The following VEPH1 variants were observed in gnomAD, a reference collection of about 807,000 sequenced individuals.
The protein encoded by VEPH1 is ventricular zone-expressed PH domain-containing protein homolog 1.
Under a neutral mutation model 85.2 loss-of-function variants are expected in VEPH1, and 80 were observed. The observed-to-expected ratio is 0.94, with a 90% CI of 0.78 to 1.13. VEPH1 has a LOEUF of 1.13. Ranked by LOEUF, VEPH1 falls within the 50% of genes most tolerant of loss-of-function variation. The pLI is 0.00. For synonymous variants in VEPH1, 297 were observed against 348.0 expected (o/e 0.85, Z 1.63); for missense variants, 955 against 980.5 (o/e 0.97, Z 0.35).
chr3:157,313,672 A>C lies in VEPH1; in HGVS notation c.1959T>G (p.Gly653=). Residue 653 remains glycine, a synonymous_variant, in exon 11 of 14, where the codon GGT becomes GGG. Coordinates refer to ENST00000362010, the MANE Select transcript of VEPH1 (RefSeq NM_001167912.2). ...RALWEKTQAG[G]AHSFETAMME... is the part of the protein sequence containing the mutation. ...TCATGGCAGTTTCAAAGCTGTGAGCACCCCCTGCCTGGGTCTTCTCCCACA... is the reference window on the plus strand; with the variant it reads ...TCATGGCAGTTTCAAAGCTGTGAGCCCCCCCTGCCTGGGTCTTCTCCCACA... 1 of 1,614,082 alleles carries C rather than the reference A, an allele frequency of 6.2e-7. No individual in the cohort carries two copies. Among genetic ancestry groups the C allele is most frequent in the Non-Finnish European group, 8.5e-7 (1 of 1,180,016 alleles).
At chr3:157,338,053 AG>A (rs1425547666) in intron 9 of VEPH1, among the ~76,000 whole-genome samples, 1 of 152,044 alleles carries the variant, frequency 6.6e-6, no homozygotes, top group Non-Finnish European at 1.5e-5. Context: ...GGTGGGCTGG[AG>A]GTGGAAGCAG....
chr3:157,334,832 G>C (rs1016577708), intron 9 of VEPH1, among the ~76,000 whole-genome samples: 2 of 152,180 alleles, frequency 1.3e-5, no homozygotes, highest in African/African-American at 2.4e-5. Flanking sequence ...TTGGGTAAAG[G>C]CATGGAGGTG....
rs1726293991 is a variant in VEPH1 at position 157,363,572 on chromosome 3, T to C, written c.1527A>G (p.Ser509=). ...ERSQLGESSV[S]YPNIIHIDSE... Reference sequence around the variant, plus strand: ...AGTCTATATGTATAATATTTGGGTATGAAACTGAAGACTCCCCCAGCTGTG... The same window carrying C: ...AGTCTATATGTATAATATTTGGGTACGAAACTGAAGACTCCCCCAGCTGTG... The change falls in exon 9 of 14, where the codon TCA becomes TCG. Residue 509 remains serine (S), a synonymous_variant. Coordinates refer to ENST00000362010, the MANE Select transcript of VEPH1 (RefSeq NM_001167912.2). 1.2e-6 allele frequency: 2 copies of C among 1,614,218 alleles called. No individual in the cohort carries two copies. Among genetic ancestry groups the C allele is most frequent in the East Asian group, 4.5e-5 (2 of 44,892 alleles).
At chr3:157,344,045 T>C (rs1396285107) in intron 9 of VEPH1, among the ~76,000 whole-genome samples, 3 of 152,174 alleles carry the variant, frequency 2.0e-5, no homozygotes, top group Admixed American at 6.5e-5. Context: ...ATAAGAGCTA[T>C]TTATGACAAA....
intron 12 of VEPH1, among the ~76,000 whole-genome samples, chr3:157,284,018 T>A (rs1577235125): frequency 6.6e-6 from 1 of 152,116 alleles, no homozygotes; most frequent in Non-Finnish European, 1.5e-5. Flanking sequence ...GACAGGCAGG[T>A]AAGTGGATCA....
intron 6 of VEPH1, among the ~76,000 whole-genome samples, chr3:157,408,972 C>T (rs1005453794): frequency 6.6e-6 from 1 of 152,072 alleles, no homozygotes; most frequent in African/African-American, 2.4e-5. Context: ...CCACAGAAGA[C>T]TTTGTGTGAG....
chr3:157,406,699 T>C lies in VEPH1; in HGVS notation c.906+7182A>G, dbSNP rs545585677. ...ATTCTTCACAGATGCGGGCTATTGG[T>C]CTGTAGTGAAGGAAAAACAAGTGGC... On this transcript the variant is annotated intron_variant, in intron 6 of 13. Transcript: ENST00000362010. Among the ~76,000 whole-genome samples, 21 of 131,754 alleles carry C rather than the reference T, an allele frequency of 1.6e-4. 1 individual carries two copies. In the East Asian group the frequency reaches 4.4e-3, roughly 27 times the overall value. The allele number at this position is 131,754 out of a possible 152,430, so 86.4% of individuals were successfully genotyped here.
At chr3:157,408,692 G>C (rs2109011343) in intron 6 of VEPH1, among the ~76,000 whole-genome samples, 1 of 152,266 alleles carries the variant, frequency 6.6e-6, no homozygotes, top group South Asian at 2.1e-4. Flanking sequence ...CTTTGCCTAA[G>C]GGGACTGGGA....
At chr3:157,366,197 T>A (rs1449679535) in intron 7 of VEPH1, among the ~76,000 whole-genome samples, 5 of 152,192 alleles carry the variant, frequency 3.3e-5, no homozygotes, top group Non-Finnish European at 5.9e-5. Context: ...TTTATTACAG[T>A]ATATAATAAT....
intron 4 of VEPH1, among the ~76,000 whole-genome samples, chr3:157,459,287 G>T (rs1456102): frequency 0.38 from 57,952 of 152,084 alleles, 11,206 homozygotes; most frequent in South Asian, 0.44. Context: ...ACCATGCTAT[G>T]CCAGGAAGCA....
intron 9 of VEPH1, among the ~76,000 whole-genome samples, chr3:157,358,574 G>C (rs73873649): frequency 1.4e-3 from 215 of 152,282 alleles, no homozygotes; most frequent in African/African-American, 4.7e-3. Flanking sequence ...ACATCCCCCA[G>C]ATGGGACCAA....
At position 157,286,591 on chromosome 3, in the gene VEPH1, T is replaced by C. The variant is rs752557191; in HGVS notation, c.2094A>G (p.Gln698=). 7 of 1,613,964 alleles carry C rather than the reference T, an allele frequency of 4.3e-6. No homozygotes were observed. The Admixed American group carries it at 5.0e-5, about 12-fold the overall frequency. The change falls in exon 12 of 14, where the codon CAA becomes CAG. Residue 698 remains glutamine, a synonymous_variant. Coordinates refer to ENST00000362010, the MANE Select transcript of VEPH1 (RefSeq NM_001167912.2). The part of the protein sequence containing the change: ...FGFSETAGAW[Q]CFMCNNPEKA... ...TCTCAGGATTGTTGCACATGAAGCA[T>C]TGCCATGCTCCTGCTGTTTCACTGA...
At chr3:157,401,514 G>A (rs527400559) in intron 6 of VEPH1, among the ~76,000 whole-genome samples, 102 of 152,228 alleles carry the variant, frequency 6.7e-4, no homozygotes, top group African/African-American at 2.4e-3. Flanking sequence ...TAGTTGAGAT[G>A]TAACACCCAA....
At chr3:157,302,295 T>C (rs1234203562) in intron 11 of VEPH1, among the ~76,000 whole-genome samples, 1 of 152,148 alleles carries the variant, frequency 6.6e-6, no homozygotes, top group Non-Finnish European at 1.5e-5. Flanking sequence ...TCCAATCTAG[T>C]CCCCACACAG....
intron 1 of VEPH1, among the ~76,000 whole-genome samples, chr3:157,503,073 T>C (rs1740238312): frequency 6.6e-6 from 1 of 152,154 alleles, no homozygotes; most frequent in East Asian, 1.9e-4. Flanking sequence ...AGTGGCATTT[T>C]TACTCTAATA....
intron 9 of VEPH1, among the ~76,000 whole-genome samples, chr3:157,325,004 T>G (rs1050713915): frequency 6.6e-6 from 1 of 152,182 alleles, no homozygotes; most frequent in African/African-American, 2.4e-5. Flanking sequence ...GATCTGTTGT[T>G]TTATTGACTT....
intron 7 of VEPH1, among the ~76,000 whole-genome samples, chr3:157,373,505 G>T (rs577808235): frequency 8.1e-4 from 124 of 152,166 alleles, no homozygotes; most frequent in Non-Finnish European, 1.4e-3. Context: ...CAACTTTAAA[G>T]TTCAATTATG....
At position 157,286,548 on chromosome 3, in the gene VEPH1, G is replaced by A. The variant is rs778581022; in HGVS notation, c.2128+9C>T. The A allele has an allele frequency of 3.1e-6, 5 of 1,608,962 alleles. No homozygotes were observed. The Admixed American group carries it at 8.3e-5, about 27-fold the overall frequency. ...AAATGGTTCTTAGCAGCAGGTAAGG[G>A]TCTCTCACCAGTTGCTTTCTCAGGA... On this transcript the variant is annotated intron_variant, in intron 12 of 13. Coordinates refer to ENST00000362010, the MANE Select transcript of VEPH1 (RefSeq NM_001167912.2).
Position 157,363,458 on chromosome 3 carries a change from G to A in VEPH1, c.1641C>T (p.Leu547=), listed in dbSNP as rs928730949. ...TASPIEYQDK[L]YLHLKKNLSK... ...TGAGGTTTTTTTTTAAGTGCAAGTA[G>A]AGCTTATCTTGGTATTCTATAGGAC... Residue 547 remains leucine, a synonymous_variant, in exon 9 of 14, where the codon CTC becomes CTT. Coordinates refer to ENST00000362010, the MANE Select transcript of VEPH1 (RefSeq NM_001167912.2). 1 of 1,613,828 alleles carries A rather than the reference G, an allele frequency of 6.2e-7. No homozygotes were observed. Among genetic ancestry groups the A allele is most frequent in the African/African-American group, 1.3e-5 (1 of 74,872 alleles).
Sources: gnomAD v4.1 joint callset for allele counts (sites outside exome capture counted in the v4.1 genomes callset) on GRCh38, gnomAD v4.1.1 for gene constraint, MANE v1.5 for transcripts, NCBI Gene and HGNC (gene_info 2026-07-23, HGNC 2026-07-21) for gene names.